The following MRAP2 variants were observed in gnomAD, a reference collection of about 807,000 sequenced individuals.
MRAP2 encodes the protein melanocortin 2 receptor accessory protein 2.
A neutral mutation model predicts 17.4 loss-of-function variants in MRAP2; 20 were observed. That is an observed-to-expected ratio of 1.15 (90% CI 0.81 to 1.67). MRAP2 has a LOEUF of 1.67. Ranked by LOEUF, MRAP2 falls within the 40% of genes most tolerant of loss-of-function variation. MRAP2 has a pLI of 0.00. For synonymous variants in MRAP2, 96 were observed against 88.4 expected (o/e 1.09, Z -0.48); for missense variants, 238 against 240.0 (o/e 0.99, Z 0.05).
chr6:84,114,809 G>T, the MRAP2 span, among the ~76,000 whole-genome samples: 1 of 152,146 alleles, frequency 6.6e-6, no homozygotes, highest in South Asian at 2.1e-4. Flanking sequence ...CTGTTTATTT[G>T]TTTTCCTTCT....
chr6:84,086,976 C>G (rs2099500636), intron 3 of MRAP2, among the ~76,000 whole-genome samples: 1 of 152,172 alleles, frequency 6.6e-6, no homozygotes, highest in East Asian at 1.9e-4. Flanking sequence ...AGCTTCTTAG[C>G]CTTGGAATTG....
At chr6:84,108,872 A>C in the MRAP2 span, among the ~76,000 whole-genome samples, 1 of 152,172 alleles carries the variant, frequency 6.6e-6, no homozygotes, top group Non-Finnish European at 1.5e-5. Flanking sequence ...GAAGGGGTTC[A>C]GTTTCAATTT....
the MRAP2 span, among the ~76,000 whole-genome samples, chr6:84,114,078 G>T: frequency 2.6e-5 from 4 of 152,086 alleles, no homozygotes; most frequent in Non-Finnish European, 4.4e-5. Flanking sequence ...TTCTTGAGTA[G>T]TATCTTTGTG....
At chr6:84,128,016 G>A in the MRAP2 span, among the ~76,000 whole-genome samples, 2 of 152,274 alleles carry the variant, frequency 1.3e-5, no homozygotes, top group Middle Eastern at 3.4e-3. Flanking sequence ...CCTTATATAT[G>A]TTTACTGTCT....
upstream of MRAP2, among the ~76,000 whole-genome samples, chr6:84,033,272 C>CT (rs2099485025): frequency 6.6e-6 from 1 of 152,220 alleles, no homozygotes; most frequent in South Asian, 2.1e-4. Context: ...TATGCTGAAA[C>CT]TACTCCCGGC....
chr6:84,035,456 G>A, intron 1 of MRAP2: 2 of 977,196 alleles, frequency 2.0e-6, no homozygotes, highest in Non-Finnish European at 2.4e-6. Context: ...TGTATCCATT[G>A]TCTTCAAATG....
At chr6:84,036,166 C>A (rs569868495) in intron 1 of MRAP2, among the ~76,000 whole-genome samples, 1 of 145,010 alleles carries the variant, frequency 6.9e-6, no homozygotes, top group African/African-American at 2.6e-5. Context: ...GGCTTTTTTT[C>A]CTAAATGAAA....
chr6:84,088,975 A>G (rs944059790), intron 3 of MRAP2, 116 bp from the exon 4 acceptor site: 5 of 1,133,490 alleles, frequency 4.4e-6, no homozygotes, highest in Non-Finnish European at 6.2e-6. Flanking sequence ...CAAGGGGCTT[A>G]CACTCAATAG....
chr6:84,059,440 T>C (rs992165343), intron 2 of MRAP2, among the ~76,000 whole-genome samples: 4 of 152,198 alleles, frequency 2.6e-5, no homozygotes, highest in African/African-American at 9.6e-5. Flanking sequence ...GTCATGAACC[T>C]CTCTTTCAAG....
the MRAP2 span, among the ~76,000 whole-genome samples, chr6:84,096,666 AG>A: frequency 6.6e-6 from 1 of 152,218 alleles, no homozygotes; most frequent in Non-Finnish European, 1.5e-5. Context: ...CAGTTAGAGC[AG>A]GGGAAAAGCC....
At chr6:84,099,311 T>C in the MRAP2 span, among the ~76,000 whole-genome samples, 1 of 151,330 alleles carries the variant, frequency 6.6e-6, no homozygotes, top group Admixed American at 6.7e-5. Flanking sequence ...TGGCTTTATT[T>C]ATTTTTTATT....
At chr6:84,059,638 G>A (rs1447781082) in intron 2 of MRAP2, among the ~76,000 whole-genome samples, 1 of 152,100 alleles carries the variant, frequency 6.6e-6, no homozygotes, top group Admixed American at 6.6e-5. Flanking sequence ...TTAGGTTAAG[G>A]GGGGTTACTT....
the MRAP2 span, among the ~76,000 whole-genome samples, chr6:84,138,204 G>A: frequency 5.3e-5 from 8 of 152,146 alleles, no homozygotes; most frequent in Non-Finnish European, 1.2e-4. Flanking sequence ...TGGAGTCAAG[G>A]GGAGACTCCT....
At chr6:84,103,765 TAATACC>T in the MRAP2 span, among the ~76,000 whole-genome samples, 15,517 of 152,202 alleles carry the variant, frequency 0.1, 920 homozygotes, top group Middle Eastern at 0.18. Context: ...TTTGTTATTG[TAATACC>T]AATACCATTA....
chr6:84,111,485 C>T, the MRAP2 span, among the ~76,000 whole-genome samples: 1 of 152,218 alleles, frequency 6.6e-6, no homozygotes, highest in East Asian at 1.9e-4. Context: ...AGTTGCTTAT[C>T]AGCTTAAGGA....
At chr6:84,076,777 G>A (rs191081786) in intron 3 of MRAP2, among the ~76,000 whole-genome samples, 1 of 152,336 alleles carries the variant, frequency 6.6e-6, no homozygotes, top group African/African-American at 2.4e-5. Flanking sequence ...TTGTCAGCAT[G>A]CTAAGACCAT....
intron 3 of MRAP2, among the ~76,000 whole-genome samples, chr6:84,079,326 T>C (rs1464181518): frequency 4.6e-5 from 7 of 152,200 alleles, no homozygotes; most frequent in Admixed American, 4.6e-4. Context: ...ATTCCATTTA[T>C]ATAAATTTCA....
intron 1 of MRAP2, among the ~76,000 whole-genome samples, chr6:84,041,350 A>G (rs2099487520): frequency 6.6e-6 from 1 of 152,154 alleles, no homozygotes; most frequent in Admixed American, 6.5e-5. Context: ...CTCATGGAGA[A>G]CCTCTGTTAG....
At chr6:84,091,199 G>T (rs1237812896), downstream of MRAP2, among the ~76,000 whole-genome samples, 13 of 149,728 alleles carry the variant, frequency 8.7e-5, no homozygotes, top group Non-Finnish European at 1.6e-4. Flanking sequence ...AATTTTTTAT[G>T]CAAGAGAGCA....
Sources: allele counts gnomAD v4.1 joint callset (sites outside exome capture counted in the v4.1 genomes callset), GRCh38; gene constraint gnomAD v4.1.1; transcripts MANE v1.5; gene names NCBI Gene and HGNC (gene_info 2026-07-23, HGNC 2026-07-21).